Variants in OTOS observed in about 807,000 individuals in gnomAD.
OTOS encodes otospiralin.
Under a neutral mutation model 12.5 loss-of-function variants are expected in OTOS, and 14 were observed. The ratio of observed to expected loss-of-function variants is 1.12; its 90% CI spans 0.74 to 1.76. The LOEUF (loss-of-function observed/expected upper bound fraction) is 1.76, where lower values mean the gene tolerates loss of function less well. OTOS is among the 40% of genes most tolerant of loss of function. The probability of loss-of-function intolerance (pLI) is 0.00; values close to 1 mark genes in which losing one functional copy is unlikely to be tolerated. For synonymous variants in OTOS, 49 were observed against 47.6 expected (o/e 1.03, Z -0.12); for missense variants, 141 against 112.8 (o/e 1.25, Z -1.13).
Position 240,140,060 on chromosome 2 carries a change from A to T in OTOS, c.85+2T>A, listed in dbSNP as rs776389353. 1 of 1,613,104 alleles carries T rather than the reference A, an allele frequency of 6.2e-7. No individual in the cohort carries two copies. Among genetic ancestry groups the T allele is most frequent in the Non-Finnish European group, 8.5e-7 (1 of 1,179,630 alleles). On this transcript the variant is annotated splice_donor_variant, in intron 3 of 3. Coordinates refer to ENST00000319460, the MANE Select transcript of OTOS (RefSeq NM_148961.4). LOFTEE classifies it high-confidence loss of function. ...GAAAGGAAAGAAATTGGAGAACGGT[A>T]CCTCCTTCCTCCTGCACAGGCTTGG...
intron 3 of OTOS, 151 bp downstream of exon 3, chr2:240,139,911 A>C (rs1348914766): frequency 8.0e-6 from 7 of 874,808 alleles, no homozygotes; most frequent in Non-Finnish European, 1.1e-5. Flanking sequence ...CTGGCTCTCA[A>C]GGGCCATGTT....
intron 2 of OTOS, 55 bp downstream of exon 2, chr2:240,140,214 A>C: frequency 1.3e-6 from 2 of 1,588,240 alleles, no homozygotes; most frequent in Non-Finnish European, 1.7e-6. Context: ...AGGGGAGAGA[A>C]CAGGAGGGCT....
At position 240,139,959 on chromosome 2, in the gene OTOS, T is replaced by TAAGAA; in HGVS notation, c.85+102_85+103insTTCTT. 5 of 1,362,372 alleles carry TAAGAA rather than the reference T, an allele frequency of 3.7e-6. No homozygotes were observed. The East Asian group carries it at 1.2e-4, about 32-fold the overall frequency. 84.4% of individuals were successfully genotyped at this position (1,362,372 alleles called of 1,614,324 possible). ...GCCTGAGCTGAGCCAGGGCCCCTGA[T>TAAGAA]GCGTCTGCTTGGGATAAGAAGCTGC... On this transcript the variant is annotated intron_variant, in intron 3 of 3. Transcript: ENST00000319460.
Position 240,139,067 on chromosome 2 carries a change from G to A in OTOS, c.*103C>T, listed in dbSNP as rs963516868. 107 of 1,258,594 alleles carry A rather than the reference G, an allele frequency of 8.5e-5. No individual in the cohort carries two copies. Among genetic ancestry groups the A allele is most frequent in the Non-Finnish European group, 1.1e-4 (100 of 904,364 alleles). 78.0% of individuals were successfully genotyped at this position (1,258,594 alleles called of 1,614,324 possible). A position where few individuals can be genotyped will look rare whatever the true frequency, so the allele number is the denominator to read the frequency against. On this transcript the variant is annotated 3_prime_UTR_variant, in exon 4 of 4. Transcript: ENST00000319460. ...CGGAGTTTATTGAGCGTGAGACCAGGCCTGACTCCTGCAGGGGCCAGGTTT... is the reference window on the plus strand; with the variant it reads ...CGGAGTTTATTGAGCGTGAGACCAGACCTGACTCCTGCAGGGGCCAGGTTT...
intron 3 of OTOS, 92 bp downstream of exon 3, chr2:240,139,970 G>C: frequency 6.8e-7 from 1 of 1,463,024 alleles, no homozygotes; most frequent in Non-Finnish European, 9.4e-7. Context: ...GCGTCTGCTT[G>C]GGATAAGAAG....
At position 240,139,246 on chromosome 2, in the gene OTOS, T is replaced by A. The variant is rs1304513532; in HGVS notation, c.194A>T (p.Asp65Val). 2 of 1,614,170 alleles carry A rather than the reference T, an allele frequency of 1.2e-6. No homozygotes were observed. Among genetic ancestry groups the A allele is most frequent in the East Asian group, 4.5e-5 (2 of 44,864 alleles). Residue 65 changes from aspartate to valine, a missense_variant, in exon 4 of 4, where the codon GAC becomes GTC. By Grantham distance (152) the Asp-to-Val change is radical. Coordinates refer to ENST00000319460, the MANE Select transcript of OTOS (RefSeq NM_148961.4). ...GTGGGCAAAGAAGGTTCGGGCCATG[T>A]CCTCGATCTGGGGGTAGGCCCCCAG... ...QALGAYPQIE[D>V]MARTFFAHFP...
Position 240,139,272 on chromosome 2 carries a change from G to A in OTOS, c.168C>T (p.Ala56=), listed in dbSNP as rs775445465. 6.8e-6 allele frequency: 11 copies of A among 1,614,070 alleles called. No individual in the cohort carries two copies. Among genetic ancestry groups the A allele is most frequent in the African/African-American group, 6.7e-5 (5 of 74,946 alleles). The change falls in exon 4 of 4, where the codon GCC becomes GCT. Residue 56 remains alanine, a synonymous_variant. Transcript: ENST00000319460. The stretch of plus-strand genomic sequence containing the variant: ...CCTCGATCTGGGGGTAGGCCCCCAG[G>A]GCCTGGAAGTGCTGCACATAGTTCC... The part of the protein sequence containing the change: ...DFWNYVQHFQ[A]LGAYPQIEDM...
chr2:240,140,307 G>C lies in OTOS; in HGVS notation c.20C>G (p.Pro7Arg). The change falls in exon 2 of 4, where the codon CCG becomes CGG. Residue 7 changes from proline (P) to arginine (R), a missense_variant. By Grantham distance (103) the Pro-to-Arg change is moderately radical (BLOSUM62 -2). Coordinates refer to ENST00000319460, the MANE Select transcript of OTOS (RefSeq NM_148961.4). ...CAGTAGGAGGCAGAGGGCCAGCCCC[G>C]GCACCATGCAGGCCTGCATCTTCCC... MQACMVPGLALCLLLGP... is the reference protein window; with the variant it reads MQACMVRGLALCLLLGP... The C allele has an allele frequency of 6.3e-7, 1 of 1,595,500 alleles. No homozygotes were observed. The highest frequency in any genetic ancestry group is 1.1e-5 in the South Asian group (1 of 88,148).
chr2:240,139,603 G>T (rs2072036406), intron 3 of OTOS, among the ~76,000 whole-genome samples: 1 of 152,126 alleles, frequency 6.6e-6, no homozygotes, highest in South Asian at 2.1e-4. Context: ...GAGTTGTGTG[G>T]GGAGGGTGTG....
intron 3 of OTOS, 39 bp downstream of exon 3, chr2:240,140,023 A>T: frequency 5.6e-6 from 9 of 1,607,372 alleles, no homozygotes; most frequent in Non-Finnish European, 7.7e-6. Flanking sequence ...CATACCAGTT[A>T]CTTATGCAAA....
Position 240,139,223 on chromosome 2 carries a change from G to A in OTOS, c.217C>T (p.His73Tyr). The change falls in exon 4 of 4, where the codon CAC (histidine) becomes TAC (tyrosine). Residue 73 changes from histidine (H) to tyrosine (Y), a missense_variant. His to Tyr is a moderately conservative substitution (Grantham distance 83, BLOSUM62 2). Coordinates refer to ENST00000319460, the MANE Select transcript of OTOS (RefSeq NM_148961.4). ...CCCAGCGTGCTCCCCAGGGGGAAGT[G>A]GGCAAAGAAGGTTCGGGCCATGTCC... ...IEDMARTFFAHFPLGSTLGFH... is the reference protein window; with the variant it reads ...IEDMARTFFAYFPLGSTLGFH... 6.2e-7 allele frequency: 1 copy of A among 1,614,150 alleles called. No individual in the cohort carries two copies. The highest frequency in any genetic ancestry group is 8.5e-7 in the Non-Finnish European group (1 of 1,180,018).
intron 3 of OTOS, among the ~76,000 whole-genome samples, chr2:240,139,652 C>T (rs1194259196): frequency 5.3e-5 from 8 of 152,158 alleles, no homozygotes; most frequent in African/African-American, 1.9e-4. Context: ...CAGAACAGAG[C>T]ACAGACACCC....
intron 2 of OTOS, 48 bp from the exon 3 acceptor site, chr2:240,140,136 C>G: frequency 6.2e-6 from 10 of 1,609,708 alleles, no homozygotes; most frequent in Non-Finnish European, 8.5e-6. Context: ...ACCCAGGTGC[C>G]GGTTGGGCCC....
rs1452536811 is a variant in OTOS, at chr2:240,140,337, C to T, written c.-11G>A. On this transcript the variant is annotated 5_prime_UTR_variant, in exon 2 of 4. Transcript: ENST00000319460. ...CATGCAGGCCTGCATCTTCCCGGTG[C>T]TTCCTGATCTGCGACTCAGGCCCAC... 6.4e-7 allele frequency: 1 copy of T among 1,574,258 alleles called. No individual in the cohort carries two copies.
At chr2:240,139,927 T>A in intron 3 of OTOS, 135 bp downstream of exon 3, 1 of 1,012,318 alleles carries the variant, frequency 9.9e-7, no homozygotes, top group Non-Finnish European at 1.5e-6. Context: ...ATGTTTTCCA[T>A]GCTTGGGCCT....
rs750016877 is a variant in OTOS at position 240,139,212 on chromosome 2, CA to C, written c.227del (p.Leu76ArgfsTer?). 61 of 1,613,960 alleles carry C rather than the reference CA, an allele frequency of 3.8e-5. No homozygotes were observed. Among genetic ancestry groups the C allele is most frequent in the Non-Finnish European group, 5.0e-5 (59 of 1,180,024 alleles). The part of the protein sequence containing the change: ...MARTFFAHFP[L>X]GSTLGFHVPY... ...GAACGTGGAAGCCCAGCGTGCTCCC[CA>C]GGGGGAAGTGGGCAAAGAAGGTTCG... On this transcript the variant is annotated frameshift_variant, in exon 4 of 4. Coordinates refer to ENST00000319460, the MANE Select transcript of OTOS (RefSeq NM_148961.4). LOFTEE classifies it high-confidence loss of function.
chr2:240,140,233 T>C (rs1362345358), intron 2 of OTOS, 36 bp downstream of exon 2: 2 of 1,581,392 alleles, frequency 1.3e-6, no homozygotes, highest in Non-Finnish European at 8.6e-7. Flanking sequence ...CTGTCGGGGG[T>C]CCTGGTGGCT....
At chr2:240,140,588 C>G (rs2072048330) in intron 1 of OTOS, 32 bp downstream of exon 1, 3 of 510,896 alleles carry the variant, frequency 5.9e-6, no homozygotes, top group Non-Finnish European at 1.0e-5. Context: ...ATTGCACCCC[C>G]CTCCACTCTG....
Position 240,139,090 on chromosome 2 carries a change from T to G in OTOS, c.*80A>C. On this transcript the variant is annotated 3_prime_UTR_variant, in exon 4 of 4. Coordinates refer to ENST00000319460, the MANE Select transcript of OTOS (RefSeq NM_148961.4). ...AGGCCTGACTCCTGCAGGGGCCAGG[T>G]TTTTGCGGGGACTCCATGCCTGTGG... 1 of 1,484,644 alleles carries G rather than the reference T, an allele frequency of 6.7e-7. No homozygotes were observed. The allele number at this position is 1,484,644 out of a possible 1,614,324, so 92.0% of individuals were successfully genotyped here.
Sources: gnomAD v4.1 joint callset for allele counts (sites outside exome capture counted in the v4.1 genomes callset) on GRCh38, gnomAD v4.1.1 for gene constraint, MANE v1.5 for transcripts, NCBI Gene and HGNC (gene_info 2026-07-23, HGNC 2026-07-21) for gene names.